TANC2: variants seen among roughly 807,000 people sequenced by gnomAD.
The protein encoded by TANC2 is protein TANC2.
In TANC2, 26 loss-of-function variants were observed where a neutral mutation model predicts 210.5. That is an observed-to-expected ratio of 0.12 (90% CI 0.09 to 0.17). TANC2 has a LOEUF of 0.17. Among genes scored for constraint, TANC2 ranks in the 10% least tolerant of loss-of-function variants. The probability of loss-of-function intolerance (pLI) is 1.00; values close to 1 mark genes in which losing one functional copy is unlikely to be tolerated. For missense variants in TANC2, 2,129 were observed against 2,608.9 expected (o/e 0.82, Z 4.01); for synonymous variants, 931 against 967.1 (o/e 0.96, Z 0.69).
chr17:63,007,703 A>G (rs1365455133), intron 1 of TANC2, among the ~76,000 whole-genome samples: 1 of 152,160 alleles, frequency 6.6e-6, no homozygotes, highest in Non-Finnish European at 1.5e-5. Context: ...AGAAACTTCA[A>G]TTCCATTACC....
At chr17:63,087,822 T>C (rs938647255) in intron 3 of TANC2, among the ~76,000 whole-genome samples, 3 of 152,356 alleles carry the variant, frequency 2.0e-5, no homozygotes, top group South Asian at 2.1e-4. Flanking sequence ...AGGTTGCTGC[T>C]TGTGCGTTTC....
At chr17:63,362,659 C>T (rs2047000641) in intron 14 of TANC2, among the ~76,000 whole-genome samples, 1 of 152,252 alleles carries the variant, frequency 6.6e-6, no homozygotes, top group Admixed American at 6.5e-5. Context: ...CAACACTGCC[C>T]TGAACAGACA....
intron 3 of TANC2, among the ~76,000 whole-genome samples, chr17:63,098,490 T>C (rs1190389935): frequency 9.9e-6 from 1 of 100,522 alleles, no homozygotes. Flanking sequence ...ATACACTCTC[T>C]CTCTCTCTCT....
chr17:63,056,787 C>T (rs2035822215), intron 2 of TANC2, among the ~76,000 whole-genome samples: 1 of 152,152 alleles, frequency 6.6e-6, no homozygotes, highest in South Asian at 2.1e-4. Flanking sequence ...TTTCTTAAGC[C>T]ATTTCTTATC....
At chr17:63,121,386 A>G (rs370796740) in intron 4 of TANC2, among the ~76,000 whole-genome samples, 128 of 152,238 alleles carry the variant, frequency 8.4e-4, no homozygotes, top group African/African-American at 3.0e-3. Flanking sequence ...CTAGTATAGT[A>G]CTTGACACAG....
chr17:63,355,085 G>A (rs1399864499), exon 14 of TANC2: 2 of 1,613,734 alleles, frequency 1.2e-6, no homozygotes, highest in South Asian at 1.1e-5. Context: ...CGCTCTCAGA[G>A]GTTTATTTAC....
intron 14 of TANC2, among the ~76,000 whole-genome samples, chr17:63,364,829 CAG>C (rs1458782802): frequency 1.3e-5 from 2 of 151,684 alleles, no homozygotes; most frequent in African/African-American, 4.8e-5. Flanking sequence ...AATGAAAACA[CAG>C]AGGAGACTTA....
intron 2 of TANC2, among the ~76,000 whole-genome samples, chr17:63,063,217 C>G (rs1259391534): frequency 6.6e-6 from 1 of 152,166 alleles, no homozygotes; most frequent in Non-Finnish European, 1.5e-5. Context: ...TTCCATGCCC[C>G]CTTGGGGGCA....
rs1424410487 is a variant in TANC2, at chr17:63,412,579, G to A, written c.3899-101G>A. On this transcript the variant is annotated intron_variant, in intron 23 of 27. Transcript: ENST00000689528. This position sits in a 1 kb window ranked among gnomAD's most constrained non-coding sequence, Gnocchi z 4.2. ...TTGGCTGATATGCTGGCTTTGTGCT[G>A]CCTGCCTCTCACTGCTGCTTTTTCC... 2 of 1,148,140 alleles carry A rather than the reference G, an allele frequency of 1.7e-6. No individual in the cohort carries two copies. Among genetic ancestry groups the A allele is most frequent in the African/African-American group, 1.6e-5 (1 of 64,232 alleles). The allele number at this position is 1,148,140 out of a possible 1,614,324, so 71.1% of individuals were successfully genotyped here.
At chr17:63,102,271 C>T (rs2037652810) in intron 4 of TANC2, among the ~76,000 whole-genome samples, 2 of 151,880 alleles carry the variant, frequency 1.3e-5, no homozygotes, top group Admixed American at 1.3e-4. Context: ...GATCGCACCA[C>T]TGCACTCAGG....
intron 4 of TANC2, among the ~76,000 whole-genome samples, chr17:63,114,149 A>G (rs2038162021): frequency 6.6e-6 from 1 of 152,168 alleles, no homozygotes; most frequent in Admixed American, 6.5e-5. Context: ...CCAACTCATG[A>G]CCTTTTTCAA....
intron 9 of TANC2, among the ~76,000 whole-genome samples, chr17:63,298,390 A>T (rs1047344534): frequency 6.6e-6 from 1 of 152,200 alleles, no homozygotes; most frequent in African/African-American, 2.4e-5. Context: ...GTACTGATAC[A>T]AGCTACAACA....
chr17:63,055,978 AAAAAAAAAAAAAATATATATATAT>A (rs1476490268), intron 2 of TANC2, among the ~76,000 whole-genome samples: 9 of 27,832 alleles, frequency 3.2e-4, no homozygotes, highest in South Asian at 2.8e-3. Flanking sequence ...AAAAAAAAAA[AAAAAAAAAAAAAATATATATATAT>A]ATATATATAT....
intron 4 of TANC2, among the ~76,000 whole-genome samples, chr17:63,134,418 ATAT>A (rs1326626188): frequency 6.6e-6 from 1 of 152,134 alleles, no homozygotes; most frequent in African/African-American, 2.4e-5. Flanking sequence ...GGTGAGTGGC[ATAT>A]TATTATAATA....
At chr17:63,095,001 G>A (rs761893667) in intron 3 of TANC2, among the ~76,000 whole-genome samples, 48 of 151,470 alleles carry the variant, frequency 3.2e-4, no homozygotes, top group Non-Finnish European at 4.0e-4. Context: ...CCCCCGCCCC[G>A]CCTTTTTTTT....
At chr17:63,171,722 A>G (rs1316575920) in intron 5 of TANC2, among the ~76,000 whole-genome samples, 1 of 152,246 alleles carries the variant, frequency 6.6e-6, no homozygotes, top group Non-Finnish European at 1.5e-5. Context: ...CTGAGTATCA[A>G]AAGGCACATA....
intron 2 of TANC2, among the ~76,000 whole-genome samples, chr17:63,059,003 G>A (rs919078599): frequency 2.6e-5 from 4 of 152,124 alleles, no homozygotes; most frequent in Admixed American, 6.5e-5. Flanking sequence ...GATAGGAATA[G>A]CATTGAACCT....
rs920166361 is a variant in TANC2 at position 63,420,833 on chromosome 17, G to C, written c.5103G>C (p.Gln1701His). Residue 1701 changes from glutamine (Q) to histidine (H), a missense_variant, in exon 28 of 28, where the codon CAG (glutamine) becomes CAC (histidine). Around this residue, in one of 5 missense-constraint regions of TANC2, gnomAD observed 584 missense variants for 627.3 expected, o/e 0.93. Coordinates refer to ENST00000689528, the Ensembl canonical transcript of TANC2. The surrounding 1 kb of genome is among the most constrained non-coding windows in gnomAD (Gnocchi z 4.2). ...AGGCCCAGATTGTGAGAAGTAACCA[G>C]CCCAGCCCAGCCGTCCATTCAAGCA... 1 of 1,613,984 alleles carries C rather than the reference G, an allele frequency of 6.2e-7. No individual in the cohort carries two copies. Among genetic ancestry groups the C allele is most frequent in the Non-Finnish European group, 8.5e-7 (1 of 1,179,882 alleles).
At chr17:63,298,778 G>T (rs188097080) in intron 9 of TANC2, among the ~76,000 whole-genome samples, 40 of 151,952 alleles carry the variant, frequency 2.6e-4, no homozygotes, top group Non-Finnish European at 4.9e-4. Flanking sequence ...ATTATTTTAA[G>T]TTCCAGGATA....
Sources: allele counts gnomAD v4.1 joint callset (sites outside exome capture counted in the v4.1 genomes callset), GRCh38; gene constraint gnomAD v4.1.1; regional missense constraint gnomAD v4.1.1; non-coding constraint Gnocchi (gnomAD v3.1); transcripts MANE v1.5; gene names NCBI Gene and HGNC (gene_info 2026-07-23, HGNC 2026-07-21).